ERVFRD-1: variants seen among roughly 807,000 people sequenced by gnomAD.
ERVFRD-1 encodes the protein endogenous retrovirus group FRD member 1, envelope, also known as syncytin-2.
ERVFRD-1 carries 33 observed loss-of-function variants against 43.8 expected under a neutral mutation model. That is an observed-to-expected ratio of 0.75 (90% CI 0.57 to 1.01). The LOEUF is 1.01. ERVFRD-1 is among the 50% of genes least tolerant of loss of function. ERVFRD-1 has a pLI of 0.00. For synonymous variants in ERVFRD-1, 239 were observed against 244.4 expected, an observed-to-expected ratio of 0.98 and a Z score of 0.21; for missense variants, 568 against 658.4, an observed-to-expected ratio of 0.86 and a Z score of 1.50.
chr6:11,108,718 G>T (rs558325835), intron 1 of ERVFRD-1, among the ~76,000 whole-genome samples: 1 of 152,286 alleles, frequency 6.6e-6, no homozygotes, highest in Admixed American at 6.5e-5. Context: ...AAAAGACCAA[G>T]GAACCTACTT....
chr6:11,104,308 G>T lies in ERVFRD-1; in HGVS notation c.1003C>A (p.Leu335Ile). The T allele has an allele frequency of 6.4e-7, 1 of 1,551,742 alleles. No individual in the cohort carries two copies. Among genetic ancestry groups the T allele is most frequent in the East Asian group, 2.4e-5 (1 of 40,928 alleles). Residue 335 changes from leucine (L) to isoleucine (I), a missense_variant, in exon 2 of 2, where the codon CTT becomes ATT. Leu to Ile is a conservative substitution (Grantham distance 5). Transcript: ENST00000472091. ...GAATTCCCATAGATTGGTATTGGAA[G>T]AGAGAGATTGCCAGGGGCTATGAAG... ...DIFIAPGNLS[L>I]PIPIYGNSPL... is the part of the protein sequence containing the mutation.
Position 11,103,717 on chromosome 6 carries a change from T to A in ERVFRD-1, c.1594A>T (p.Asn532Tyr). 6.4e-7 allele frequency: 1 copy of A among 1,551,360 alleles called. No individual in the cohort carries two copies. Among genetic ancestry groups the A allele is most frequent in the Non-Finnish European group, 8.7e-7 (1 of 1,146,826 alleles). Residue 532 changes from asparagine (N) to tyrosine (Y), a missense_variant, in exon 2 of 2, where the codon AAT (asparagine) becomes TAT (tyrosine). Transcript: ENST00000472091. ...CCTTAGAAGGGTGACTCTTGAATAT[T>A]GCGAGGATGGCGTCCTGCACTGAGA... ...TNLSAGRHPR[N>Y]IQESPF
intron 1 of ERVFRD-1, among the ~76,000 whole-genome samples, chr6:11,109,295 G>T (rs1758135639): frequency 1.3e-5 from 2 of 152,130 alleles, no homozygotes; most frequent in South Asian, 2.1e-4. Flanking sequence ...TTTTAATTTG[G>T]CTCAGGTCTT....
Position 11,105,219 on chromosome 6 carries a change from A to G in ERVFRD-1, c.92T>C (p.Leu31Pro). 6.2e-7 allele frequency: 1 copy of G among 1,614,200 alleles called. No individual in the cohort carries two copies. The highest frequency in any genetic ancestry group is 8.5e-7 in the Non-Finnish European group (1 of 1,180,036). Residue 31 changes from leucine (L) to proline (P), a missense_variant, in exon 2 of 2, where the codon CTG becomes CCG. Leu to Pro is a moderately conservative substitution (Grantham distance 98). Transcript: ENST00000472091. ...DFPLLEKAQQLLQSTGSPYST... is the reference protein window; with the variant it reads ...DFPLLEKAQQPLQSTGSPYST... ...GTAAGGGGATCCTGTACTTTGGAGC[A>G]GTTGCTGAGCTTTTTCCAATAACGG...
In ERVFRD-1 at chr6:11,104,030, C is replaced by T; in HGVS notation, c.1281G>A (p.Gln427=). The T allele has an allele frequency of 6.4e-7, 1 of 1,551,736 alleles. No homozygotes were observed. The highest frequency in any genetic ancestry group is 1.4e-5 in the African/African-American group (1 of 73,172). Residue 427 remains glutamine (Q), a synonymous_variant, in exon 2 of 2, where the codon CAG becomes CAA. Coordinates refer to ENST00000472091, the MANE Select transcript of ERVFRD-1 (RefSeq NM_207582.3). Reference sequence around the variant, plus strand: ...CATCTAAGGCCAAACAAATTCCTCCCTGTGCTGCCGTTAACATGTCTAGTC... The same window carrying T: ...CATCTAAGGCCAAACAAATTCCTCCTTGTGCTGCCGTTAACATGTCTAGTC... ...RRGLDMLTAA[Q]GGICLALDEK...
At chr6:11,108,701 T>C (rs1055840159) in intron 1 of ERVFRD-1, among the ~76,000 whole-genome samples, 2 of 152,212 alleles carry the variant, frequency 1.3e-5, no homozygotes, top group Non-Finnish European at 2.9e-5. Flanking sequence ...CTCCTGGTTT[T>C]GGTTGTAAAA....
Position 11,104,330 on chromosome 6 carries a change from G to A in ERVFRD-1, c.981C>T (p.Phe327=). ...GAAGAGAGAGATTGCCAGGGGCTAT[G>A]AAGATGTCTGGGGTTACATAGCCTA... The part of the protein sequence containing the change: ...CTIGYVTPDI[F]IAPGNLSLPI... The change falls in exon 2 of 2, where the codon TTC becomes TTT. Residue 327 remains phenylalanine (F), a synonymous_variant. Coordinates refer to ENST00000472091, the MANE Select transcript of ERVFRD-1 (RefSeq NM_207582.3). The A allele has an allele frequency of 1.3e-6, 2 of 1,551,738 alleles. No homozygotes were observed.
intron 1 of ERVFRD-1, among the ~76,000 whole-genome samples, chr6:11,107,713 G>A (rs1471887375): frequency 6.6e-6 from 1 of 152,196 alleles, no homozygotes; most frequent in Non-Finnish European, 1.5e-5. Flanking sequence ...GGTGTATTGG[G>A]ACTACTGCCT....
rs1362908858 is a variant in ERVFRD-1 at position 11,104,298 on chromosome 6, G to A, written c.1013C>T (p.Pro338Leu). The A allele has an allele frequency of 2.6e-6, 4 of 1,551,582 alleles. No homozygotes were observed. Among genetic ancestry groups the A allele is most frequent in the Non-Finnish European group, 3.5e-6 (4 of 1,147,008 alleles). ...GGGCAACGGGGAATTCCCATAGATT[G>A]GTATTGGAAGAGAGAGATTGCCAGG... ...IAPGNLSLPIPIYGNSPLPRV... is the reference protein window; with the variant it reads ...IAPGNLSLPILIYGNSPLPRV... Residue 338 changes from proline (P) to leucine (L), a missense_variant, in exon 2 of 2, where the codon CCA becomes CTA. Pro to Leu is a moderately conservative substitution (Grantham distance 98, BLOSUM62 -3). Coordinates refer to ENST00000472091, the MANE Select transcript of ERVFRD-1 (RefSeq NM_207582.3).
Position 11,105,060 on chromosome 6 carries a change from C to T in ERVFRD-1, c.251G>A (p.Gly84Glu). ...ISYRWDPNLK[G>E]LMRPANSLLS... is the part of the protein sequence containing the mutation. ...AAGACTATTTGCAGGCCTCATCAGT[C>T]CTTTCAGATTAGGGTCCCATCGATA... The change falls in exon 2 of 2, where the codon GGA (glycine) becomes GAA (glutamate). Residue 84 changes from glycine (G) to glutamate (E), a missense_variant. Physicochemically the swap from Gly to Glu is moderately conservative, Grantham distance 98. Coordinates refer to ENST00000472091, the MANE Select transcript of ERVFRD-1 (RefSeq NM_207582.3). 6.2e-7 allele frequency: 1 copy of T among 1,614,146 alleles called. No individual in the cohort carries two copies. Among genetic ancestry groups the T allele is most frequent in the Non-Finnish European group, 8.5e-7 (1 of 1,180,022 alleles).
chr6:11,104,570 G>A lies in ERVFRD-1; in HGVS notation c.741C>T (p.Asn247=), dbSNP rs762706096. The change falls in exon 2 of 2, where the codon AAC becomes AAT. Residue 247 remains asparagine, a synonymous_variant. Coordinates refer to ENST00000472091, the MANE Select transcript of ERVFRD-1 (RefSeq NM_207582.3). ...CTTGGACGCAGGGTGTTTGGCTCTG[G>A]TTAGCTCCCTTGGTTTTATTTTCCC... The part of the protein sequence containing the change: ...LFWENKTKGA[N]QSQTPCVQVL... 6.2e-7 allele frequency: 1 copy of A among 1,608,932 alleles called. No individual in the cohort carries two copies. Among genetic ancestry groups the A allele is most frequent in the African/African-American group, 1.3e-5 (1 of 74,842 alleles).
In ERVFRD-1 at chr6:11,104,767, G is replaced by A. The variant is rs1420160672; in HGVS notation, c.544C>T (p.Gln182Ter). Reference protein sequence around the residue: ...FPKPPNITFPQGTLLDKSSRF... With the variant: ...FPKPPNITFP ...CTGGATTTATCTAGCAAAGTTCCCT[G>A]AGGAAAAGTAATATTTGGAGGTTTG... is the stretch of plus-strand genomic sequence containing the variant. The change falls in exon 2 of 2, where the codon CAG (glutamine) becomes TAG (stop). Residue 182 changes from glutamine (Q) to a stop codon, truncating the protein, a stop_gained. Coordinates refer to ENST00000472091, the MANE Select transcript of ERVFRD-1 (RefSeq NM_207582.3). LOFTEE classifies it high-confidence loss of function. 2 of 1,614,112 alleles carry A rather than the reference G, an allele frequency of 1.2e-6. No individual in the cohort carries two copies. The highest frequency in any genetic ancestry group is 1.3e-5 in the African/African-American group (1 of 74,950).
rs778432865 is a variant in ERVFRD-1 at position 11,105,037 on chromosome 6, G to T, written c.274C>A (p.Leu92Ile). 1 of 1,614,200 alleles carries T rather than the reference G, an allele frequency of 6.2e-7. No homozygotes were observed. Among genetic ancestry groups the T allele is most frequent in the Non-Finnish European group, 8.5e-7 (1 of 1,180,046 alleles). The change falls in exon 2 of 2, where the codon CTT becomes ATT. Residue 92 changes from leucine to isoleucine, a missense_variant. Transcript: ENST00000472091. ...LKGLMRPANS[L>I]LSTVKQDFPD... ...AAATCTTGCTTTACTGTTGAAAGAA[G>T]ACTATTTGCAGGCCTCATCAGTCCT... is the stretch of plus-strand genomic sequence containing the variant.
At position 11,109,970 on chromosome 6, in the gene ERVFRD-1, G is replaced by A. The variant is rs139912527; in HGVS notation, c.-321+1707C>T. ...CCCCATTCATCCATTTTTCCTTTGCGTATGGCAGTGTCCCCCATTCATTCT... is the reference window on the plus strand; with the variant it reads ...CCCCATTCATCCATTTTTCCTTTGCATATGGCAGTGTCCCCCATTCATTCT... On this transcript the variant is annotated intron_variant, in intron 1 of 1. Coordinates refer to ENST00000472091, the MANE Select transcript of ERVFRD-1 (RefSeq NM_207582.3). Among the ~76,000 whole-genome samples, 82 of 152,230 alleles carry A rather than the reference G, an allele frequency of 5.4e-4. 2 individuals carry two copies. Among genetic ancestry groups the A allele is most frequent in the Middle Eastern group, 3.4e-3 (1 of 294 alleles).
At position 11,105,260 on chromosome 6, in the gene ERVFRD-1, G is replaced by A; in HGVS notation, c.51C>T (p.Tyr17=). The part of the protein sequence containing the change: ...VLILTPSLAA[Y]RHPDFPLLEK... ...CCAATAACGGGAAATCAGGATGGCGGTAGGCTGCTAGTGAAGGCGTGAGAA... is the reference window on the plus strand; with the variant it reads ...CCAATAACGGGAAATCAGGATGGCGATAGGCTGCTAGTGAAGGCGTGAGAA... Residue 17 remains tyrosine (Y), a synonymous_variant, in exon 2 of 2, where the codon TAC becomes TAT. Coordinates refer to ENST00000472091, the MANE Select transcript of ERVFRD-1 (RefSeq NM_207582.3). The A allele has an allele frequency of 6.2e-7, 1 of 1,614,122 alleles. No individual in the cohort carries two copies. The highest frequency in any genetic ancestry group is 8.5e-7 in the Non-Finnish European group (1 of 1,180,022).
chr6:11,104,351 G>T lies in ERVFRD-1; in HGVS notation c.960C>A (p.Gly320=). The change falls in exon 2 of 2, where the codon GGC becomes GGA. Residue 320 remains glycine (G), a synonymous_variant. Coordinates refer to ENST00000472091, the MANE Select transcript of ERVFRD-1 (RefSeq NM_207582.3). ...PSNWTGTCTI[G]YVTPDIFIAP... is the part of the protein sequence containing the mutation. The stretch of plus-strand genomic sequence containing the variant: ...CTATGAAGATGTCTGGGGTTACATA[G>T]CCTATGGTACAAGTTCCAGTCCAGT... 6.4e-7 allele frequency: 1 copy of T among 1,551,718 alleles called. No homozygotes were observed. The highest frequency in any genetic ancestry group is 8.7e-7 in the Non-Finnish European group (1 of 1,146,998).
In ERVFRD-1 at chr6:11,103,474, C is replaced by A. The variant is rs1463047839; in HGVS notation, c.*220G>T. The stretch of plus-strand genomic sequence containing the variant: ...ATTTCCCCCCCTCAAGAGTCCAAGA[C>A]CCAATTATCTGGGAAAATGGACGAA... On this transcript the variant is annotated 3_prime_UTR_variant, in exon 2 of 2. Transcript: ENST00000472091. 4.8e-6 allele frequency: 3 copies of A among 630,146 alleles called. No individual in the cohort carries two copies. The highest frequency in any genetic ancestry group is 7.6e-6 in the Non-Finnish European group (3 of 396,904). The allele number at this position is 630,146 out of a possible 1,614,324, so 39.0% of individuals were successfully genotyped here. A position where few individuals can be genotyped will look rare whatever the true frequency, so the allele number is the denominator to read the frequency against.
chr6:11,103,943 T>C lies in ERVFRD-1; in HGVS notation c.1368A>G (p.Leu456=), dbSNP rs1239599305. The C allele has an allele frequency of 6.4e-7, 1 of 1,551,734 alleles. No homozygotes were observed. The highest frequency in any genetic ancestry group is 2.0e-5 in the Admixed American group (1 of 51,010). ...GKVQDNIRQL[L]NQASSLRERA... is the part of the protein sequence containing the mutation. ...GTTCCCGTAAACTGGAGGCTTGATT[T>C]AGGAGTTGTCTGATGTTGTCTTGTA... The change falls in exon 2 of 2, where the codon CTA becomes CTG. Residue 456 remains leucine (L), a synonymous_variant. Coordinates refer to ENST00000472091, the MANE Select transcript of ERVFRD-1 (RefSeq NM_207582.3).
At chr6:11,109,990 C>T (rs1349394743) in intron 1 of ERVFRD-1, among the ~76,000 whole-genome samples, 1 of 152,230 alleles carries the variant, frequency 6.6e-6, no homozygotes, top group Non-Finnish European at 1.5e-5. Context: ...GTCCCCCATT[C>T]ATTCTAGGGG....
Sources: gnomAD v4.1 joint callset for allele counts (sites outside exome capture counted in the v4.1 genomes callset) on GRCh38, gnomAD v4.1.1 for gene constraint, MANE v1.5 for transcripts, NCBI Gene and HGNC (gene_info 2026-07-23, HGNC 2026-07-21) for gene names.